Variants in CALN1 observed in about 807,000 individuals in gnomAD.
The protein encoded by CALN1 is calcium-binding protein 8.
In CALN1, 17 loss-of-function variants were observed where a neutral mutation model predicts 30.6. The ratio of observed to expected loss-of-function variants is 0.56; its 90% CI spans 0.38 to 0.83. CALN1 has a LOEUF of 0.83. CALN1 is among the 40% of genes least tolerant of loss of function. The pLI is 0.00. For missense variants in CALN1, 291 were observed against 354.9 expected (o/e 0.82, Z 1.45); for synonymous variants, 156 against 131.4 (o/e 1.19, Z -1.28).
intron 4 of CALN1, among the ~76,000 whole-genome samples, chr7:72,104,637 A>C (rs1217385998): frequency 6.6e-6 from 1 of 152,072 alleles, no homozygotes; most frequent in Non-Finnish European, 1.5e-5. Flanking sequence ...AAGTGAGAAA[A>C]AGCACAGGTA....
intron 2 of CALN1, among the ~76,000 whole-genome samples, chr7:72,328,760 A>C (rs1028838561): frequency 5.9e-5 from 9 of 152,226 alleles, no homozygotes; most frequent in African/African-American, 1.9e-4. Context: ...CAGTGGCACA[A>C]TCTCAGCTCA....
intron 4 of CALN1, among the ~76,000 whole-genome samples, chr7:72,048,609 T>C (rs918213747): frequency 2.6e-5 from 4 of 152,188 alleles, no homozygotes; most frequent in Non-Finnish European, 5.9e-5. Flanking sequence ...ATTAATTTTA[T>C]AGAGGTAAAT....
chr7:72,287,792 C>T (rs10234843), intron 2 of CALN1, among the ~76,000 whole-genome samples: 28,355 of 151,908 alleles, frequency 0.19, 3,679 homozygotes, highest in East Asian at 0.43. Context: ...ATATAAATTA[C>T]ACAATCGATG....
At chr7:72,385,289 G>A (rs1012725561) in intron 2 of CALN1, among the ~76,000 whole-genome samples, 7 of 152,104 alleles carry the variant, frequency 4.6e-5, no homozygotes, top group Middle Eastern at 3.2e-3. Context: ...AGCAAACAGG[G>A]TCTCAGGTAT....
At chr7:71,903,016 A>C (rs1023360186) in intron 5 of CALN1, among the ~76,000 whole-genome samples, 3 of 151,986 alleles carry the variant, frequency 2.0e-5, no homozygotes, top group African/African-American at 7.2e-5. Context: ...AAATTACTTA[A>C]AAATTTTTTA....
chr7:71,811,149 G>C lies in CALN1; in HGVS notation c.502-657C>G, dbSNP rs534514010. 6.6e-5 allele frequency among the ~76,000 whole-genome samples: 10 copies of C among 151,142 alleles called. No individual in the cohort carries two copies. The South Asian group carries it at 1.5e-3, about 22-fold the overall frequency. On this transcript the variant is annotated intron_variant, in intron 5 of 6. Coordinates refer to ENST00000395275, the MANE Select transcript of CALN1 (RefSeq NM_031468.4). ...TGACCTCAAGTGATCCGCCCGCCTC[G>C]GCCTCCCAAAGTGCTAGGATTACAG...
At chr7:72,276,425 C>G (rs954932896) in intron 3 of CALN1, among the ~76,000 whole-genome samples, 1 of 152,164 alleles carries the variant, frequency 6.6e-6, no homozygotes, top group African/African-American at 2.4e-5. Context: ...AACGTGATGT[C>G]ATTAAGAAGT....
chr7:71,797,065 G>A (rs1786970942), intron 6 of CALN1, among the ~76,000 whole-genome samples: 1 of 152,192 alleles, frequency 6.6e-6, no homozygotes, highest in Admixed American at 6.5e-5. Context: ...CAGAGACTCT[G>A]CCACTCATTA....
intron 2 of CALN1, among the ~76,000 whole-genome samples, chr7:72,343,671 A>G (rs1049759538): frequency 9.2e-5 from 14 of 152,216 alleles, no homozygotes; most frequent in Non-Finnish European, 1.5e-4. Flanking sequence ...GCCTATGAGA[A>G]AAGGTAAGCA....
chr7:72,025,329 A>G (rs1213398810), intron 4 of CALN1, among the ~76,000 whole-genome samples: 1 of 150,106 alleles, frequency 6.7e-6, no homozygotes, highest in Non-Finnish European at 1.5e-5. Flanking sequence ...ATAATAATAA[A>G]ACAATAAAAT....
At chr7:72,005,784 A>C (rs780308497) in intron 5 of CALN1, among the ~76,000 whole-genome samples, 2 of 145,410 alleles carry the variant, frequency 1.4e-5, no homozygotes, top group Admixed American at 6.9e-5. Context: ...ACCAAGACCT[A>C]GTTGACAGAG....
Position 72,296,709 on chromosome 7 carries a change from T to TCC in CALN1, c.120-17901_120-17900dup, listed in dbSNP as rs1415687296. Among the ~76,000 whole-genome samples, 3 of 148,204 alleles carry TCC rather than the reference T, an allele frequency of 2.0e-5. No individual in the cohort carries two copies. The Admixed American group carries it at 2.0e-4, about 10-fold the overall frequency. On this transcript the variant is annotated intron_variant, in intron 2 of 6. Transcript: ENST00000395275. ...TATTTCTGTGGGATCGGTGGTGATA[T>TCC]CCCCTTTATCATTTTTTATTGTGTC... is the stretch of plus-strand genomic sequence containing the variant.
intron 4 of CALN1, among the ~76,000 whole-genome samples, chr7:72,072,909 A>G (rs1233877412): frequency 1.3e-5 from 2 of 152,176 alleles, no homozygotes; most frequent in Non-Finnish European, 2.9e-5. Flanking sequence ...AATATATACA[A>G]AAGAGAAATG....
At chr7:71,965,991 T>C (rs1391678373) in intron 5 of CALN1, among the ~76,000 whole-genome samples, 1 of 152,214 alleles carries the variant, frequency 6.6e-6, no homozygotes, top group African/African-American at 2.4e-5. Context: ...GCCCTCCAAG[T>C]ACTACCAGGG....
chr7:72,413,838 A>G (rs1229318366), upstream of CALN1, among the ~76,000 whole-genome samples: 1 of 147,684 alleles, frequency 6.8e-6, no homozygotes, highest in East Asian at 2.1e-4. Context: ...CACATACACA[A>G]ACATGCACAC....
At chr7:71,862,088 G>A (rs538206671) in intron 5 of CALN1, among the ~76,000 whole-genome samples, 1 of 152,144 alleles carries the variant, frequency 6.6e-6, no homozygotes, top group African/African-American at 2.4e-5. Context: ...ACCCTTTTGC[G>A]CTGGACAGAG....
chr7:72,479,975 C>G, the CALN1 span, among the ~76,000 whole-genome samples: 4 of 152,218 alleles, frequency 2.6e-5, 1 homozygote, highest in Non-Finnish European at 4.4e-5. Flanking sequence ...TCCATTGACA[C>G]TTTTGTCTAC....
At chr7:72,135,948 CAT>C (rs1017520496) in intron 3 of CALN1, among the ~76,000 whole-genome samples, 1 of 151,964 alleles carries the variant, frequency 6.6e-6, no homozygotes, top group Admixed American at 6.6e-5. Context: ...GCCTGGTCAA[CAT>C]AGTAAAACCC....
chr7:72,383,388 T>G (rs141542400), intron 2 of CALN1, among the ~76,000 whole-genome samples: 2 of 152,350 alleles, frequency 1.3e-5, no homozygotes, highest in African/African-American at 4.8e-5. Context: ...CAAAAGTGTA[T>G]GAGCGTTCCC....
Sources: gnomAD v4.1 joint callset for allele counts (sites outside exome capture counted in the v4.1 genomes callset) on GRCh38, gnomAD v4.1.1 for gene constraint, MANE v1.5 for transcripts, NCBI Gene and HGNC (gene_info 2026-07-23, HGNC 2026-07-21) for gene names.